MANBA: variants seen among roughly 807,000 people sequenced by gnomAD.
MANBA encodes beta-mannosidase.
Under a neutral mutation model 111.1 loss-of-function variants are expected in MANBA, and 83 were observed. The observed-to-expected ratio is 0.75, with a 90% CI of 0.63 to 0.90. MANBA has a LOEUF of 0.90. MANBA is among the 40% of genes least tolerant of loss of function. MANBA has a pLI of 0.00. For missense variants in MANBA, 1,036 were observed against 1,069.0 expected, an observed-to-expected ratio of 0.97 and a Z score of 0.43; for synonymous variants, 370 against 378.7, an observed-to-expected ratio of 0.98 and a Z score of 0.27.
At chr4:102,689,131 T>C (rs192683388) in intron 7 of MANBA, among the ~76,000 whole-genome samples, 1 of 152,230 alleles carries the variant, frequency 6.6e-6, no homozygotes, top group Admixed American at 6.5e-5. Flanking sequence ...AGTAGATCAC[T>C]TGATATCAGG....
chr4:102,719,427 C>T (rs936190210), intron 4 of MANBA, among the ~76,000 whole-genome samples: 34 of 152,150 alleles, frequency 2.2e-4, no homozygotes, highest in African/African-American at 8.0e-4. Flanking sequence ...TTCAAACACA[C>T]ATTTTACAAT....
At chr4:102,721,864 C>T (rs140521774) in intron 4 of MANBA, among the ~76,000 whole-genome samples, 2,442 of 150,900 alleles carry the variant, frequency 0.016, 33 homozygotes, top group Non-Finnish European at 0.028. Context: ...CCTGTCTCTA[C>T]AAAAAAAATA....
At chr4:102,633,588 T>A (rs2110187046) in intron 16 of MANBA, 1 of 396,222 alleles carries the variant, frequency 2.5e-6, no homozygotes, top group Non-Finnish European at 4.4e-6. Flanking sequence ...ATTATTACTA[T>A]CATTTTATCT....
In MANBA at chr4:102,722,957, T is replaced by C. The variant is rs761260407; in HGVS notation, c.463A>G (p.Ser155Gly). Residue 155 changes from serine to glycine, a missense_variant, in exon 4 of 17, where the codon AGC becomes GGC. Ser to Gly is a moderately conservative substitution (Grantham distance 56). Coordinates refer to ENST00000647097, the MANE Select transcript of MANBA (RefSeq NM_005908.4). ...ACCTGGTAGCGAGTGTGAGCTTTGCTCTGCTGTGCTGCATACAACACCGCT... is the reference window on the plus strand; with the variant it reads ...ACCTGGTAGCGAGTGTGAGCTTTGCCCTGCTGTGCTGCATACAACACCGCT... ...QSAVLYAAQQSKAHTRYQVPP... is the reference protein window; with the variant it reads ...QSAVLYAAQQGKAHTRYQVPP... 1.2e-6 allele frequency: 2 copies of C among 1,614,142 alleles called. No individual in the cohort carries two copies. Among genetic ancestry groups the C allele is most frequent in the South Asian group, 2.2e-5 (2 of 91,084 alleles).
At chr4:102,670,154 CAAAAAAAAA>C (rs70937560) in intron 9 of MANBA, among the ~76,000 whole-genome samples, 22 of 107,940 alleles carry the variant, frequency 2.0e-4, no homozygotes, top group African/African-American at 3.8e-4. Context: ...GACTCCATAT[CAAAAAAAAA>C]AAAAAAAAAA....
chr4:102,735,726 C>A (rs1182421810), intron 1 of MANBA, among the ~76,000 whole-genome samples: 2 of 152,076 alleles, frequency 1.3e-5, no homozygotes, highest in African/African-American at 4.8e-5. Flanking sequence ...TTAAGCAAAC[C>A]CATGAACCCT....
intron 1 of MANBA, among the ~76,000 whole-genome samples, chr4:102,732,383 G>A (rs1001834301): frequency 5.3e-5 from 8 of 152,202 alleles, no homozygotes; most frequent in African/African-American, 1.9e-4. Flanking sequence ...TTTCCTTAGG[G>A]ACCGTAACTC....
intron 1 of MANBA, among the ~76,000 whole-genome samples, chr4:102,736,688 CTG>C (rs1723227824): frequency 6.6e-6 from 1 of 152,150 alleles, no homozygotes; most frequent in Non-Finnish European, 1.5e-5. Context: ...ATCTGGCAAA[CTG>C]AGATAAAACG....
At chr4:102,709,879 T>C (rs1275932453) in intron 5 of MANBA, among the ~76,000 whole-genome samples, 2 of 152,106 alleles carry the variant, frequency 1.3e-5, no homozygotes, top group African/African-American at 4.8e-5. Flanking sequence ...ATAAACGTGA[T>C]ACATCACATC....
chr4:102,718,050 G>T (rs1484524062), intron 4 of MANBA, among the ~76,000 whole-genome samples: 1 of 152,220 alleles, frequency 6.6e-6, no homozygotes, highest in Non-Finnish European at 1.5e-5. Flanking sequence ...TGGCAGAAAT[G>T]AAATGTGAAC....
intron 11 of MANBA, among the ~76,000 whole-genome samples, chr4:102,659,833 T>C (rs1306609363): frequency 6.6e-6 from 1 of 152,184 alleles, no homozygotes; most frequent in Non-Finnish European, 1.5e-5. Context: ...TCTGAAGCTC[T>C]CTCCACTCCT....
intron 7 of MANBA, among the ~76,000 whole-genome samples, chr4:102,686,738 T>C (rs536467404): frequency 3.7e-4 from 56 of 152,252 alleles, no homozygotes; most frequent in Non-Finnish European, 1.2e-4. Context: ...CTCCACCTCG[T>C]CAACCATTCC....
At chr4:102,711,183 T>C (rs1330898686) in intron 5 of MANBA, among the ~76,000 whole-genome samples, 2 of 152,158 alleles carry the variant, frequency 1.3e-5, no homozygotes, top group African/African-American at 4.8e-5. Context: ...TAGAGACAAC[T>C]TGTTGAATGG....
chr4:102,632,369 G>T, intron 16 of MANBA, 88 bp from the exon 17 acceptor site: 1 of 1,079,998 alleles, frequency 9.3e-7, no homozygotes, highest in Non-Finnish European at 1.4e-6. Flanking sequence ...ATTTATGTGG[G>T]CTTAACAAGG....
chr4:102,722,631 C>T lies in MANBA; in HGVS notation c.549+240G>A, dbSNP rs73836849. On this transcript the variant is annotated intron_variant, in intron 4 of 16. Transcript: ENST00000647097. ...ATTATCAGCCACATATTTTTCCTTTCTTTTTCTGTTACCTAAGTTCTGAAC... is the reference window on the plus strand; with the variant it reads ...ATTATCAGCCACATATTTTTCCTTTTTTTTTCTGTTACCTAAGTTCTGAAC... 1,795 of 502,566 alleles carry T rather than the reference C, an allele frequency of 3.6e-3. 30 individuals carry two copies. Among genetic ancestry groups the T allele is most frequent in the African/African-American group, 0.031 (1,595 of 52,050 alleles). 31.1% of individuals were successfully genotyped at this position (502,566 alleles called of 1,614,324 possible). A position where few individuals can be genotyped will look rare whatever the true frequency, so the allele number is the denominator to read the frequency against.
chr4:102,635,482 T>C (rs1206354340), intron 15 of MANBA, among the ~76,000 whole-genome samples: 3 of 152,258 alleles, frequency 2.0e-5, no homozygotes, highest in Non-Finnish European at 2.9e-5. Flanking sequence ...TTTTACTGAT[T>C]TTCACTATAA....
At chr4:102,722,824 C>T in intron 4 of MANBA, 47 bp downstream of exon 4, 1 of 1,574,818 alleles carries the variant, frequency 6.3e-7, no homozygotes, top group East Asian at 2.2e-5. Context: ...TATGCCAGCA[C>T]ACCCCGTCCT....
chr4:102,734,285 G>A, intron 1 of MANBA: 1 of 1,430,746 alleles, frequency 7.0e-7, no homozygotes, highest in South Asian at 1.3e-5. Context: ...CGGGGGAGAA[G>A]GGCAGCAGCG....
At chr4:102,637,167 ACCAGTCT>A (rs1287379560) in intron 14 of MANBA, among the ~76,000 whole-genome samples, 1 of 152,164 alleles carries the variant, frequency 6.6e-6, no homozygotes, top group Non-Finnish European at 1.5e-5. Context: ...TTTACAAATT[ACCAGTCT>A]CAGGTATGTC....
Sources: allele counts gnomAD v4.1 joint callset (sites outside exome capture counted in the v4.1 genomes callset), GRCh38; gene constraint gnomAD v4.1.1; transcripts MANE v1.5; gene names NCBI Gene and HGNC (gene_info 2026-07-23, HGNC 2026-07-21).